The following CENPW variants were observed in gnomAD, a reference collection of about 807,000 sequenced individuals.
The protein encoded by CENPW is cancer-up-regulated gene 2 protein.
A neutral mutation model predicts 11.1 loss-of-function variants in CENPW; 3 were observed. The ratio of observed to expected loss-of-function variants is 0.27; its 90% CI spans 0.12 to 0.70. CENPW has a LOEUF of 0.70. Ranked by LOEUF, CENPW falls within the 30% of genes least tolerant of loss-of-function variation. The pLI is 0.77. For missense variants in CENPW, 100 were observed against 105.6 expected (o/e 0.95, Z 0.23); for synonymous variants, 38 against 42.0 (o/e 0.91, Z 0.37).
the CENPW span, among the ~76,000 whole-genome samples, chr6:126,386,681 A>AT: frequency 2.0e-4 from 27 of 135,000 alleles, no homozygotes; most frequent in Admixed American, 1.2e-3. Flanking sequence ...CAAATAATTT[A>AT]TTTTTTTATT....
the CENPW span, among the ~76,000 whole-genome samples, chr6:126,451,821 G>T: frequency 1.5e-4 from 22 of 151,206 alleles, no homozygotes; most frequent in African/African-American, 5.1e-4. Flanking sequence ...TGGAGCCCAA[G>T]AAATTTGGTT....
At chr6:126,434,256 C>T in the CENPW span, among the ~76,000 whole-genome samples, 1 of 151,922 alleles carries the variant, frequency 6.6e-6, no homozygotes, top group Non-Finnish European at 1.5e-5. Flanking sequence ...ACTCAGCAGG[C>T]CAAATCCTAG....
At chr6:126,373,011 A>T in the CENPW span, among the ~76,000 whole-genome samples, 3 of 152,226 alleles carry the variant, frequency 2.0e-5, no homozygotes, top group Non-Finnish European at 2.9e-5. Flanking sequence ...GAAATCTCAA[A>T]GTAATTATAT....
chr6:126,473,222 C>T, the CENPW span, among the ~76,000 whole-genome samples: 1 of 152,068 alleles, frequency 6.6e-6, no homozygotes, highest in Non-Finnish European at 1.5e-5. Flanking sequence ...TAAATGTTCA[C>T]ATGTAGGCCT....
chr6:126,482,379 T>G, the CENPW span, among the ~76,000 whole-genome samples: 1 of 151,958 alleles, frequency 6.6e-6, no homozygotes, highest in East Asian at 1.9e-4. Flanking sequence ...TAATAAAAGT[T>G]TAATATTTCA....
the CENPW span, among the ~76,000 whole-genome samples, chr6:126,397,039 G>T: frequency 6.6e-6 from 1 of 152,018 alleles, no homozygotes; most frequent in African/African-American, 2.4e-5. Flanking sequence ...GGTGGTGCAA[G>T]TACTTCCTTA....
chr6:126,434,892 C>A, the CENPW span, among the ~76,000 whole-genome samples: 2 of 151,906 alleles, frequency 1.3e-5, no homozygotes, highest in Non-Finnish European at 2.9e-5. Flanking sequence ...AAAGGTAGAG[C>A]CAAGTCATTC....
At chr6:126,392,234 G>C in the CENPW span, among the ~76,000 whole-genome samples, 1 of 151,782 alleles carries the variant, frequency 6.6e-6, no homozygotes, top group South Asian at 2.1e-4. Flanking sequence ...TGTGGCTATT[G>C]TAAAAAGGAT....
the CENPW span, among the ~76,000 whole-genome samples, chr6:126,377,445 T>C: frequency 6.6e-6 from 1 of 152,220 alleles, no homozygotes; most frequent in East Asian, 1.9e-4. Context: ...GTGGTATCAC[T>C]GTCTACTTAA....
At chr6:126,471,951 CTT>C in the CENPW span, among the ~76,000 whole-genome samples, 1 of 152,144 alleles carries the variant, frequency 6.6e-6, no homozygotes, top group South Asian at 2.1e-4. Flanking sequence ...CTATAAATCT[CTT>C]TGCTAGGTTT....
chr6:126,413,592 T>C, the CENPW span, among the ~76,000 whole-genome samples: 2 of 152,004 alleles, frequency 1.3e-5, no homozygotes, highest in African/African-American at 2.4e-5. Flanking sequence ...AAAGTAGCCC[T>C]GTATCTAGAA....
At chr6:126,370,253 G>A in the CENPW span, among the ~76,000 whole-genome samples, 19 of 152,038 alleles carry the variant, frequency 1.2e-4, no homozygotes, top group African/African-American at 4.6e-4. Context: ...GGCTGCGTGG[G>A]ATTTTTTTGG....
chr6:126,350,653 A>C (rs1780481146), downstream of CENPW, among the ~76,000 whole-genome samples: 1 of 152,158 alleles, frequency 6.6e-6, no homozygotes, highest in Admixed American at 6.6e-5. Flanking sequence ...ATACATTTTT[A>C]TACTTTAATG....
At chr6:126,410,089 C>T in the CENPW span, among the ~76,000 whole-genome samples, 1 of 151,938 alleles carries the variant, frequency 6.6e-6, no homozygotes, top group East Asian at 1.9e-4. Flanking sequence ...TCTACCAGAG[C>T]TTTATGTATT....
the CENPW span, among the ~76,000 whole-genome samples, chr6:126,467,344 C>T: frequency 4.6e-5 from 7 of 152,118 alleles, no homozygotes; most frequent in Non-Finnish European, 8.8e-5. Context: ...GGCTGCACAC[C>T]TCCAACAATC....
At chr6:126,368,827 G>C in the CENPW span, among the ~76,000 whole-genome samples, 3 of 151,756 alleles carry the variant, frequency 2.0e-5, no homozygotes, top group African/African-American at 7.3e-5. Flanking sequence ...TGTGTTTTTT[G>C]GTAGAGACGG....
chr6:126,428,647 A>G, the CENPW span, among the ~76,000 whole-genome samples: 1 of 152,212 alleles, frequency 6.6e-6, no homozygotes, highest in East Asian at 1.9e-4. Flanking sequence ...ACAAGTGATT[A>G]TACTCCAGTG....
At chr6:126,448,012 T>C in the CENPW span, among the ~76,000 whole-genome samples, 1 of 151,230 alleles carries the variant, frequency 6.6e-6, no homozygotes, top group Non-Finnish European at 1.5e-5. Context: ...TGAGTCTCTA[T>C]TGAATTTTAT....
At chr6:126,455,176 T>G in the CENPW span, among the ~76,000 whole-genome samples, 1 of 151,296 alleles carries the variant, frequency 6.6e-6, no homozygotes, top group African/African-American at 2.4e-5. Flanking sequence ...ATTGAAACTA[T>G]TCTAAAAAAT....
Sources: gnomAD v4.1 joint callset for allele counts (sites outside exome capture counted in the v4.1 genomes callset) on GRCh38, gnomAD v4.1.1 for gene constraint, MANE v1.5 for transcripts, NCBI Gene and HGNC (gene_info 2026-07-23, HGNC 2026-07-21) for gene names.